Variants in SLC24A4 observed in about 807,000 individuals in gnomAD.
The protein encoded by SLC24A4 is solute carrier family 24 member 4.
In SLC24A4, 53 loss-of-function variants were observed where a neutral mutation model predicts 79.0. The observed-to-expected ratio is 0.67, with a 90% CI of 0.54 to 0.84. SLC24A4 has a LOEUF of 0.84. SLC24A4 is among the 40% of genes least tolerant of loss of function. The probability of loss-of-function intolerance (pLI) is 0.00; values close to 1 mark genes in which losing one functional copy is unlikely to be tolerated. For missense variants in SLC24A4, 731 were observed against 822.0 expected, an observed-to-expected ratio of 0.89 and a Z score of 1.35; for synonymous variants, 323 against 323.8, an observed-to-expected ratio of 1.00 and a Z score of 0.03.
chr14:92,424,371 G>T (rs978589568), intron 2 of SLC24A4, among the ~76,000 whole-genome samples: 6 of 152,168 alleles, frequency 3.9e-5, no homozygotes, highest in African/African-American at 1.4e-4. Flanking sequence ...ACCTGAGGCT[G>T]CATAATGTAT....
intron 2 of SLC24A4, among the ~76,000 whole-genome samples, chr14:92,378,375 G>A (rs1888639910): frequency 6.6e-6 from 1 of 152,130 alleles, no homozygotes; most frequent in African/African-American, 2.4e-5. Flanking sequence ...TTCCAAAGTG[G>A]ACCACTTTAC....
rs975131925 is a variant in SLC24A4 at position 92,495,333 on chromosome 14, G to T, written c.*1705G>T. On this transcript the variant is annotated 3_prime_UTR_variant, in exon 17 of 17. Coordinates refer to ENST00000532405, the MANE Select transcript of SLC24A4 (RefSeq NM_153646.4). ...CACCCCCACCACCAGGCTTCTATTT[G>T]GGATTCACATCAGTATTAGTATCGT... 1 of 152,136 alleles carries T rather than the reference G, an allele frequency of 6.6e-6. No homozygotes were observed. Among genetic ancestry groups the T allele is most frequent in the African/African-American group, 2.4e-5 (1 of 41,414 alleles). The allele number at this position is 152,136 out of a possible 1,614,324, so 9.4% of individuals were successfully genotyped here.
At chr14:92,488,629 A>G (rs1895507407) in intron 14 of SLC24A4, among the ~76,000 whole-genome samples, 1 of 130,228 alleles carries the variant, frequency 7.7e-6, no homozygotes, top group Non-Finnish European at 1.6e-5. Context: ...CTATTTCCAA[A>G]TAAAGTCACA....
chr14:92,456,583 C>T lies in SLC24A4; in HGVS notation c.1230C>T (p.Asp410=). The change falls in exon 12 of 17, where the codon GAC becomes GAT. Residue 410 remains aspartate (D), a synonymous_variant. Coordinates refer to ENST00000532405, the MANE Select transcript of SLC24A4 (RefSeq NM_153646.4). Reference sequence around the variant, plus strand: ...CAGAGCCAGAGCCGGTGGAGGCTGACTTCCTGTCCCCCTTCTCCGTGCCGG... The same window carrying T: ...CAGAGCCAGAGCCGGTGGAGGCTGATTTCCTGTCCCCCTTCTCCGTGCCGG... ...PPPEPEPVEA[D]FLSPFSVPEA... The T allele has an allele frequency of 3.1e-6, 5 of 1,613,834 alleles. No homozygotes were observed. The highest frequency in any genetic ancestry group is 3.4e-6 in the Non-Finnish European group (4 of 1,179,898).
At position 92,414,298 on chromosome 14, in the gene SLC24A4, T is replaced by C. The variant is rs536303545; in HGVS notation, c.242-19614T>C. 8.0e-4 allele frequency among the ~76,000 whole-genome samples: 121 copies of C among 152,170 alleles called. 1 individual carries two copies. Among genetic ancestry groups the C allele is most frequent in the African/African-American group, 2.9e-3 (119 of 41,512 alleles). On this transcript the variant is annotated intron_variant, in intron 2 of 16. Coordinates refer to ENST00000532405, the MANE Select transcript of SLC24A4 (RefSeq NM_153646.4). Reference sequence around the variant, plus strand: ...TTGTGACAACCAAAAATGTCACCAGTGTCATAGGTAGGGGTAGGGGGTGAG... The same window carrying C: ...TTGTGACAACCAAAAATGTCACCAGCGTCATAGGTAGGGGTAGGGGGTGAG...
At chr14:92,368,200 A>G (rs1436406960) in intron 2 of SLC24A4, among the ~76,000 whole-genome samples, 2 of 152,228 alleles carry the variant, frequency 1.3e-5, no homozygotes, top group Non-Finnish European at 2.9e-5. Flanking sequence ...CCAGACAGAA[A>G]CAATGGGCAA....
chr14:92,397,312 G>A (rs1366098984), intron 2 of SLC24A4, among the ~76,000 whole-genome samples: 1 of 152,176 alleles, frequency 6.6e-6, no homozygotes, highest in Non-Finnish European at 1.5e-5. Flanking sequence ...GCATCTGGCT[G>A]GGCAGCACTG....
At chr14:92,453,600 T>A (rs951401679) in intron 10 of SLC24A4, 2 of 300,438 alleles carry the variant, frequency 6.7e-6, no homozygotes, top group East Asian at 1.4e-4. Flanking sequence ...GAAAGACCCT[T>A]GTAATTAGCC....
At chr14:92,351,236 G>GCGCGCGCGCACACACACACACA (rs112120101) in intron 2 of SLC24A4, among the ~76,000 whole-genome samples, 1 of 146,986 alleles carries the variant, frequency 6.8e-6, no homozygotes, top group Non-Finnish European at 1.5e-5. Context: ...ACACATACAC[G>GCGCGCGCGCACACACACACACA]CACACACACA....
chr14:92,354,071 T>G (rs1887034071), intron 2 of SLC24A4, among the ~76,000 whole-genome samples: 1 of 152,168 alleles, frequency 6.6e-6, no homozygotes, highest in Non-Finnish European at 1.5e-5. Context: ...GAGCCAGGTC[T>G]GGGCCCTTGG....
intron 2 of SLC24A4, among the ~76,000 whole-genome samples, chr14:92,331,380 C>A (rs1885468558): frequency 6.6e-6 from 1 of 152,202 alleles, no homozygotes; most frequent in African/African-American, 2.4e-5. Flanking sequence ...ACCTTCCAGG[C>A]TCAAGCCATC....
At chr14:92,359,240 T>A (rs1887356952) in intron 2 of SLC24A4, among the ~76,000 whole-genome samples, 1 of 151,982 alleles carries the variant, frequency 6.6e-6, no homozygotes, top group Non-Finnish European at 1.5e-5. Flanking sequence ...CCAACCCCAA[T>A]CCACTCTTAA....
At position 92,491,790 on chromosome 14, in the gene SLC24A4, C is replaced by T. The variant is rs765623431; in HGVS notation, c.1650+13C>T. ...TTATGGATCAACAGTAAGTTCCTCT[C>T]ACCTTTAACAGATGTGTTTTACCCA... is the stretch of plus-strand genomic sequence containing the variant. On this transcript the variant is annotated intron_variant, in intron 15 of 16. Transcript: ENST00000532405. 1 of 1,584,188 alleles carries T rather than the reference C, an allele frequency of 6.3e-7. No homozygotes were observed. The highest frequency in any genetic ancestry group is 8.7e-7 in the Non-Finnish European group (1 of 1,152,658).
chr14:92,338,251 C>T (rs1182064111), intron 2 of SLC24A4, among the ~76,000 whole-genome samples: 1 of 152,194 alleles, frequency 6.6e-6, no homozygotes, highest in Non-Finnish European at 1.5e-5. Context: ...CTATCTGAGC[C>T]TTAATTCCTG....
intron 12 of SLC24A4, among the ~76,000 whole-genome samples, chr14:92,462,970 C>T (rs537148455): frequency 5.3e-5 from 8 of 152,218 alleles, no homozygotes; most frequent in Admixed American, 3.3e-4. Context: ...TGGTTTCCTC[C>T]GTCTGGGATG....
rs1297036483 is a variant in SLC24A4, at chr14:92,323,305, G to C, written c.-526G>C. 1 of 151,630 alleles carries C rather than the reference G, an allele frequency of 6.6e-6. No individual in the cohort carries two copies. The highest frequency in any genetic ancestry group is 2.4e-5 in the African/African-American group (1 of 41,268). The allele number at this position is 151,630 out of a possible 1,614,324, so 9.4% of individuals were successfully genotyped here. ...GCCAGCCTTCCCGCGGCGCGCACTC[G>C]GCCGCCCGGGCTCGGCTCGTCGGGA... On this transcript the variant is annotated 5_prime_UTR_variant, in exon 1 of 17. Coordinates refer to ENST00000532405, the MANE Select transcript of SLC24A4 (RefSeq NM_153646.4). The surrounding 1 kb of genome is among the most constrained non-coding windows in gnomAD (Gnocchi z 4.9).
chr14:92,430,746 G>C (rs977023752), intron 2 of SLC24A4, among the ~76,000 whole-genome samples: 9 of 152,204 alleles, frequency 5.9e-5, no homozygotes, highest in Non-Finnish European at 7.3e-5. Flanking sequence ...GGGCAGGGGT[G>C]GGGGCTGGGA....
chr14:92,433,899 T>C lies in SLC24A4; in HGVS notation c.242-13T>C, dbSNP rs757669595. ...AGATAACTAACACTCTGCCATCTCTTCCTGTCTTCCAGCGATTCACGAGTT... is the reference window on the plus strand; with the variant it reads ...AGATAACTAACACTCTGCCATCTCTCCCTGTCTTCCAGCGATTCACGAGTT... On this transcript the variant is annotated splice_polypyrimidine_tract_variant and intron_variant, in intron 2 of 16. Coordinates refer to ENST00000532405, the MANE Select transcript of SLC24A4 (RefSeq NM_153646.4). The C allele has an allele frequency of 6.2e-7, 1 of 1,613,030 alleles. No individual in the cohort carries two copies. The highest frequency in any genetic ancestry group is 8.5e-7 in the Non-Finnish European group (1 of 1,179,016).
Position 92,490,754 on chromosome 14 carries a change from ACAT to A in SLC24A4, c.1538-908_1538-906del, listed in dbSNP as rs981229914. ...CGCAGTGGCCGGGAGTCCTCATAGA[ACAT>A]CAGCTGACAAGCCTGGCAGGAGAGA... On this transcript the variant is annotated intron_variant, in intron 14 of 16. Transcript: ENST00000532405. This position sits in a 1 kb window ranked among gnomAD's most constrained non-coding sequence, Gnocchi z 4.3. 6.6e-6 allele frequency among the ~76,000 whole-genome samples: 1 copy of A among 152,242 alleles called. No homozygotes were observed. The highest frequency in any genetic ancestry group is 1.5e-5 in the Non-Finnish European group (1 of 68,048).
Sources: gnomAD v4.1 joint callset for allele counts (sites outside exome capture counted in the v4.1 genomes callset) on GRCh38, gnomAD v4.1.1 for gene constraint, Gnocchi (gnomAD v3.1) non-coding constraint, MANE v1.5 for transcripts, NCBI Gene and HGNC (gene_info 2026-07-23, HGNC 2026-07-21) for gene names.